The following CHCHD6 variants were observed in gnomAD, a reference collection of about 807,000 sequenced individuals.
CHCHD6 encodes MICOS complex subunit MIC25.
A neutral mutation model predicts 32.3 loss-of-function variants in CHCHD6; 28 were observed. The observed-to-expected ratio is 0.87, with a 90% CI of 0.64 to 1.19. The LOEUF (loss-of-function observed/expected upper bound fraction) is 1.19. Ranked by LOEUF, CHCHD6 falls within the 50% of genes most tolerant of loss-of-function variation. The pLI, the probability that CHCHD6 is intolerant of heterozygous loss-of-function variation, is 0.00. For synonymous variants in CHCHD6, 122 were observed against 117.5 expected, an observed-to-expected ratio of 1.04 and a Z score of -0.25; for missense variants, 333 against 307.0, an observed-to-expected ratio of 1.08 and a Z score of -0.63.
intron 4 of CHCHD6, among the ~76,000 whole-genome samples, chr3:126,787,257 A>G (rs1255915791): frequency 3.2e-4 from 49 of 152,118 alleles, no homozygotes; most frequent in African/African-American, 8.0e-4. Context: ...GTCAGGTAGC[A>G]TGATGCCTCC....
At chr3:126,737,645 T>C (rs899149377) in intron 4 of CHCHD6, among the ~76,000 whole-genome samples, 4 of 151,806 alleles carry the variant, frequency 2.6e-5, no homozygotes, top group African/African-American at 9.7e-5. Flanking sequence ...TACTTCCTGG[T>C]AGGGTGGGAA....
intron 1 of CHCHD6, among the ~76,000 whole-genome samples, chr3:126,712,457 A>G (rs55745153): frequency 0.21 from 31,233 of 152,082 alleles, 3,487 homozygotes; most frequent in South Asian, 0.35. Flanking sequence ...AGATAAATCT[A>G]TAAAATAATA....
chr3:126,829,020 G>A (rs1940524514), intron 4 of CHCHD6, among the ~76,000 whole-genome samples: 1 of 151,892 alleles, frequency 6.6e-6, no homozygotes, highest in African/African-American at 2.4e-5. Context: ...GCTTACTTCG[G>A]GTTTAATTAG....
intron 4 of CHCHD6, among the ~76,000 whole-genome samples, chr3:126,764,431 C>T (rs541715996): frequency 2.0e-4 from 30 of 152,070 alleles, no homozygotes; most frequent in Non-Finnish European, 3.8e-4. Context: ...GACGACCTTC[C>T]CCACAACTCC....
chr3:126,764,993 G>A (rs1023572009), intron 4 of CHCHD6, among the ~76,000 whole-genome samples: 5 of 152,148 alleles, frequency 3.3e-5, no homozygotes, highest in African/African-American at 1.2e-4. Context: ...GACAGACACT[G>A]CTACGTGCCC....
chr3:126,791,423 G>T (rs1016092474), intron 4 of CHCHD6, among the ~76,000 whole-genome samples: 1 of 152,222 alleles, frequency 6.6e-6, no homozygotes, highest in African/African-American at 2.4e-5. Context: ...CCCCAGAGGT[G>T]GAGTCTACAG....
chr3:126,749,346 G>T (rs1936633985), intron 4 of CHCHD6, among the ~76,000 whole-genome samples: 1 of 152,176 alleles, frequency 6.6e-6, no homozygotes, highest in Non-Finnish European at 1.5e-5. Flanking sequence ...AGTATCTGGG[G>T]GAAGAATTAT....
At chr3:126,929,872 C>T (rs1275430596) in intron 6 of CHCHD6, among the ~76,000 whole-genome samples, 1 of 152,170 alleles carries the variant, frequency 6.6e-6, no homozygotes, top group East Asian at 1.9e-4. Flanking sequence ...CCCCTTCCAA[C>T]TCTTTTATAT....
intron 4 of CHCHD6, among the ~76,000 whole-genome samples, chr3:126,797,844 C>CT (rs760133603): frequency 6.6e-6 from 1 of 152,120 alleles, no homozygotes; most frequent in Non-Finnish European, 1.5e-5. Context: ...ACACCAAGCT[C>CT]TCCCCCATGG....
chr3:126,755,750 A>G (rs1199424065), intron 4 of CHCHD6, among the ~76,000 whole-genome samples: 3 of 152,148 alleles, frequency 2.0e-5, no homozygotes, highest in Non-Finnish European at 4.4e-5. Flanking sequence ...TGAGATGGGA[A>G]TGAAGTCAAG....
At chr3:126,867,931 A>G (rs1013884743) in intron 5 of CHCHD6, among the ~76,000 whole-genome samples, 5 of 152,236 alleles carry the variant, frequency 3.3e-5, no homozygotes, top group African/African-American at 1.2e-4. Flanking sequence ...CTCTCACTGC[A>G]TTCAGGAGAG....
chr3:126,844,989 A>G (rs1206151438), intron 4 of CHCHD6, among the ~76,000 whole-genome samples: 1 of 152,232 alleles, frequency 6.6e-6, no homozygotes, highest in Non-Finnish European at 1.5e-5. Context: ...CCCCCCTGAT[A>G]GGTACAGCCC....
intron 4 of CHCHD6, among the ~76,000 whole-genome samples, chr3:126,809,723 A>T (rs1939573020): frequency 6.6e-6 from 1 of 152,184 alleles, no homozygotes; most frequent in African/African-American, 2.4e-5. Context: ...CTTCTAAAAC[A>T]AGGTATCTAT....
At position 126,960,414 on chromosome 3, in the gene CHCHD6, GCAAA is replaced by G; in HGVS notation, c.*216_*219del. The G allele has an allele frequency of 1.7e-6, 1 of 594,904 alleles. No individual in the cohort carries two copies. Among genetic ancestry groups the G allele is most frequent in the Non-Finnish European group, 3.0e-6 (1 of 332,282 alleles). The allele number at this position is 594,904 out of a possible 1,614,324, so 36.9% of individuals were successfully genotyped here. A position where few individuals can be genotyped will look rare whatever the true frequency, so the allele number is the denominator to read the frequency against. ...TTTGTTTTCAGTCGTTGACTCACTG[GCAAA>G]CAGTCACTGCTGCCTACTCTGCGTC... On this transcript the variant is annotated 3_prime_UTR_variant, in exon 8 of 8. Coordinates refer to ENST00000290913, the MANE Select transcript of CHCHD6 (RefSeq NM_032343.3).
At chr3:126,885,332 G>A (rs1161962867) in intron 5 of CHCHD6, among the ~76,000 whole-genome samples, 1 of 152,130 alleles carries the variant, frequency 6.6e-6, no homozygotes, top group Non-Finnish European at 1.5e-5. Flanking sequence ...TGGAGAACAC[G>A]ATTATTTTTT....
chr3:126,778,462 G>A (rs1327159092), intron 4 of CHCHD6, among the ~76,000 whole-genome samples: 9 of 152,152 alleles, frequency 5.9e-5, no homozygotes, highest in Non-Finnish European at 7.3e-5. Flanking sequence ...GCATCCTAGT[G>A]GATGTGATGT....
At chr3:126,858,731 C>G (rs771508708) in intron 5 of CHCHD6, among the ~76,000 whole-genome samples, 1 of 152,226 alleles carries the variant, frequency 6.6e-6, no homozygotes, top group Non-Finnish European at 1.5e-5. Context: ...GCACCCGGCC[C>G]GCTGGGCTCT....
At chr3:126,948,080 G>T (rs1201285083) in intron 6 of CHCHD6, among the ~76,000 whole-genome samples, 1 of 152,202 alleles carries the variant, frequency 6.6e-6, no homozygotes, top group Non-Finnish European at 1.5e-5. Flanking sequence ...AAAACGATCA[G>T]AGATACATTG....
intron 5 of CHCHD6, among the ~76,000 whole-genome samples, chr3:126,852,963 A>G (rs1941527780): frequency 6.6e-6 from 1 of 152,038 alleles, no homozygotes; most frequent in African/African-American, 2.4e-5. Context: ...CCCCTGCCCC[A>G]CCTTTTTTTG....
Sources: gnomAD v4.1 joint callset for allele counts (sites outside exome capture counted in the v4.1 genomes callset) on GRCh38, gnomAD v4.1.1 for gene constraint, MANE v1.5 for transcripts, NCBI Gene and HGNC (gene_info 2026-07-23, HGNC 2026-07-21) for gene names.